GRXCR1: variants seen among roughly 807,000 people sequenced by gnomAD.
GRXCR1 encodes the protein glutaredoxin and cysteine rich domain containing 1.
Under a neutral mutation model 27.3 loss-of-function variants are expected in GRXCR1, and 27 were observed. The observed-to-expected ratio is 0.99, with a 90% CI of 0.73 to 1.37. The LOEUF (loss-of-function observed/expected upper bound fraction) is 1.37. GRXCR1 is among the 40% of genes most tolerant of loss of function. The pLI is 0.00. For synonymous variants in GRXCR1, 122 were observed against 131.1 expected (o/e 0.93, Z 0.47); for missense variants, 379 against 354.4 (o/e 1.07, Z -0.56).
In GRXCR1 at chr4:42,963,119, T is replaced by C. The variant is rs1160607590; in HGVS notation, c.612T>C (p.Asp204=). The change falls in exon 2 of 4, where the codon GAT becomes GAC. Residue 204 remains aspartate (D), a synonymous_variant. Coordinates refer to ENST00000399770, the MANE Select transcript of GRXCR1 (RefSeq NM_001080476.3). ...EAPSLPVVFI[D]GHYLGGAEKI... is the part of the protein sequence containing the mutation. ...CTTCCCTCCCTGTTGTGTTCATTGA[T>C]GGCCATTACCTTGGGGTAAGTAAGC... 10 of 1,612,534 alleles carry C rather than the reference T, an allele frequency of 6.2e-6. No individual in the cohort carries two copies. The South Asian group carries it at 8.8e-5, about 14-fold the overall frequency.
intron 2 of GRXCR1, among the ~76,000 whole-genome samples, chr4:42,993,142 TA>T: frequency 6.6e-6 from 1 of 152,074 alleles, no homozygotes; most frequent in Non-Finnish European, 1.5e-5. Flanking sequence ...TCCATCCAAG[TA>T]AACTGTATTT....
intron 1 of GRXCR1, among the ~76,000 whole-genome samples, chr4:42,952,718 C>T (rs1481901249): frequency 6.6e-6 from 1 of 152,096 alleles, no homozygotes; most frequent in African/African-American, 2.4e-5. Context: ...TTGAGTGGAA[C>T]AGCACACCCA....
chr4:42,903,135 T>G (rs1746500404), intron 1 of GRXCR1, among the ~76,000 whole-genome samples: 1 of 150,756 alleles, frequency 6.6e-6, no homozygotes, highest in African/African-American at 2.4e-5. Context: ...CAGTGCCTGG[T>G]GCTTTAAACA....
intron 1 of GRXCR1, among the ~76,000 whole-genome samples, chr4:42,909,646 G>T (rs527420632): frequency 6.6e-6 from 1 of 151,986 alleles, no homozygotes; most frequent in Admixed American, 6.6e-5. Flanking sequence ...GTAACTTTAC[G>T]TCTATGTTGC....
intron 1 of GRXCR1, among the ~76,000 whole-genome samples, chr4:42,918,309 C>A (rs1746932810): frequency 6.6e-6 from 1 of 152,138 alleles, no homozygotes; most frequent in Admixed American, 6.6e-5. Flanking sequence ...ATGACCTAAA[C>A]ACCTCCCATG....
At chr4:42,968,887 TA>T (rs1748313380) in intron 2 of GRXCR1, among the ~76,000 whole-genome samples, 1 of 152,110 alleles carries the variant, frequency 6.6e-6, no homozygotes, top group Admixed American at 6.6e-5. Context: ...TTGATAGGCT[TA>T]AAAAATAAGG....
intron 2 of GRXCR1, among the ~76,000 whole-genome samples, chr4:42,970,400 C>A (rs1748357751): frequency 6.6e-6 from 1 of 152,172 alleles, no homozygotes; most frequent in Admixed American, 6.5e-5. Flanking sequence ...CTCTACCCCT[C>A]TGGCTGACTT....
At chr4:42,949,529 A>G (rs2109768086) in intron 1 of GRXCR1, among the ~76,000 whole-genome samples, 1 of 152,184 alleles carries the variant, frequency 6.6e-6, no homozygotes, top group Non-Finnish European at 1.5e-5. Flanking sequence ...TAGCTCCATC[A>G]TTTGCTAGTT....
intron 2 of GRXCR1, among the ~76,000 whole-genome samples, chr4:43,006,278 CAGG>C (rs1205835949): frequency 6.2e-4 from 95 of 152,270 alleles, no homozygotes; most frequent in African/African-American, 1.9e-3. Context: ...GAAAAAAGAA[CAGG>C]ATAAGAGCAA....
intron 2 of GRXCR1, among the ~76,000 whole-genome samples, chr4:43,013,975 C>G (rs1164950891): frequency 1.3e-5 from 2 of 149,584 alleles, no homozygotes; most frequent in Non-Finnish European, 3.0e-5. Flanking sequence ...AGAAGTGGCT[C>G]AGCACTAATT....
At chr4:42,910,202 A>G (rs1391964410) in intron 1 of GRXCR1, among the ~76,000 whole-genome samples, 1 of 152,162 alleles carries the variant, frequency 6.6e-6, no homozygotes, top group Non-Finnish European at 1.5e-5. Context: ...AACCACCCCC[A>G]AGATCCAATC....
chr4:43,008,733 T>C (rs1035093664), intron 2 of GRXCR1, among the ~76,000 whole-genome samples: 1 of 152,216 alleles, frequency 6.6e-6, no homozygotes, highest in Non-Finnish European at 1.5e-5. Context: ...AAAAGCATGA[T>C]CCTAGATGTG....
chr4:42,968,772 A>T (rs1168538276), intron 2 of GRXCR1, among the ~76,000 whole-genome samples: 1 of 151,978 alleles, frequency 6.6e-6, no homozygotes, highest in Non-Finnish European at 1.5e-5. Flanking sequence ...CTTTTCAAAG[A>T]GTTTTTTTTT....
chr4:42,987,267 T>TA lies in GRXCR1; in HGVS notation c.627+24134dup, dbSNP rs1276135382. Among the ~76,000 whole-genome samples, 488 of 81,048 alleles carry TA rather than the reference T, an allele frequency of 6.0e-3. 2 individuals are homozygous for TA. The highest frequency in any genetic ancestry group is 6.3e-3 in the Non-Finnish European group (254 of 40,144). 53.2% of individuals were successfully genotyped at this position (81,048 alleles called of 152,430 possible). A position where few individuals can be genotyped will look rare whatever the true frequency, so the allele number is the denominator to read the frequency against. ...ATATATAATATATATATATAATATA[T>TA]ATATATATATAGAGAGAGAGAGAGA... On this transcript the variant is annotated intron_variant, in intron 2 of 3. Coordinates refer to ENST00000399770, the MANE Select transcript of GRXCR1 (RefSeq NM_001080476.3).
intron 1 of GRXCR1, among the ~76,000 whole-genome samples, chr4:42,907,294 C>T (rs559685319): frequency 6.6e-6 from 1 of 152,300 alleles, no homozygotes; most frequent in East Asian, 1.9e-4. Context: ...TCACCTCTTG[C>T]ACTCTTCAGA....
intron 2 of GRXCR1, among the ~76,000 whole-genome samples, chr4:42,989,708 T>A (rs1020815554): frequency 6.6e-6 from 1 of 152,156 alleles, no homozygotes; most frequent in Non-Finnish European, 1.5e-5. Flanking sequence ...TTAGCTTGAT[T>A]TCTTCTTGGA....
intron 2 of GRXCR1, among the ~76,000 whole-genome samples, chr4:42,965,766 G>T (rs1045796232): frequency 2.0e-5 from 3 of 152,016 alleles, no homozygotes; most frequent in Non-Finnish European, 4.4e-5. Flanking sequence ...AACAGCCAGA[G>T]AATGAGGTAG....
intron 2 of GRXCR1, among the ~76,000 whole-genome samples, chr4:43,000,474 T>TAAAAAAAAAAAAAAAAAAAA (rs35604158): frequency 8.9e-6 from 1 of 112,784 alleles, no homozygotes. Context: ...GGCTCTATCT[T>TAAAAAAAAAAAAAAAAAAAA]AAAAAAAAAA....
At chr4:43,017,328 A>G (rs1189150962) in intron 2 of GRXCR1, among the ~76,000 whole-genome samples, 1 of 152,186 alleles carries the variant, frequency 6.6e-6, no homozygotes, top group Non-Finnish European at 1.5e-5. Flanking sequence ...ATCAGTGAGC[A>G]GGCAGCTTGC....
Sources: allele counts gnomAD v4.1 joint callset (sites outside exome capture counted in the v4.1 genomes callset), GRCh38; gene constraint gnomAD v4.1.1; transcripts MANE v1.5; gene names NCBI Gene and HGNC (gene_info 2026-07-23, HGNC 2026-07-21).